KALRN: variants seen among roughly 807,000 people sequenced by gnomAD.
KALRN encodes the protein kalirin.
Under a neutral mutation model 353.7 loss-of-function variants are expected in KALRN, and 70 were observed. The ratio of observed to expected loss-of-function variants is 0.20; its 90% CI spans 0.16 to 0.24. The LOEUF is 0.24. KALRN is among the 10% of genes least tolerant of loss of function. The pLI is 1.00. For synonymous variants in KALRN, 1,391 were observed against 1,434.8 expected (o/e 0.97, Z 0.69); for missense variants, 2,791 against 3,756.7 (o/e 0.74, Z 6.72).
intron 47 of KALRN, among the ~76,000 whole-genome samples, chr3:124,667,515 C>T (rs1420832056): frequency 3.3e-5 from 5 of 152,172 alleles, no homozygotes; most frequent in African/African-American, 1.2e-4. Context: ...GGAACCAGGA[C>T]CGGCTAGAAA....
In KALRN at chr3:124,717,103, A is replaced by G. The variant is rs573464207; in HGVS notation, c.8277-144A>G. On this transcript the variant is annotated intron_variant, in intron 58 of 59. Coordinates refer to ENST00000682506, the MANE Select transcript of KALRN (RefSeq NM_001388419.1). ...ATTACAATAACTTTAGGCTCTAACT[A>G]AATATGCATGTGTTGCACATTTGGT... 36 of 614,198 alleles carry G rather than the reference A, an allele frequency of 5.9e-5. No individual in the cohort carries two copies. The East Asian group carries it at 1.0e-3, about 17-fold the overall frequency. The allele number at this position is 614,198 out of a possible 1,614,324, so 38.0% of individuals were successfully genotyped here.
At chr3:124,525,119 A>C (rs1386073971) in intron 33 of KALRN, among the ~76,000 whole-genome samples, 4 of 152,230 alleles carry the variant, frequency 2.6e-5, no homozygotes, top group African/African-American at 9.6e-5. Flanking sequence ...CACAGTGCTT[A>C]TATCCAGGCT....
intron 57 of KALRN, among the ~76,000 whole-genome samples, chr3:124,708,475 A>G (rs77614255): frequency 0.16 from 24,777 of 152,244 alleles, 2,399 homozygotes; most frequent in Middle Eastern, 0.22. Flanking sequence ...AAAAAATACA[A>G]TATCTAAAAT....
At chr3:124,585,056 T>C in intron 34 of KALRN, 1 of 1,001,028 alleles carries the variant, frequency 1.0e-6, no homozygotes. Flanking sequence ...GTGAGAGAGT[T>C]TGCTGCGATC....
rs901357864 is a variant in KALRN at position 124,409,585 on chromosome 3, T to C, written c.2347-3885T>C. 3.9e-5 allele frequency among the ~76,000 whole-genome samples: 6 copies of C among 152,296 alleles called. No individual in the cohort carries two copies. In the Middle Eastern group the frequency reaches 0.01, roughly 259 times the overall value. ...GAAGGCTGGAGAGGGCAGAACTTGC[T>C]CTCAGCATCAGCAAGTAAACCATCT... is the stretch of plus-strand genomic sequence containing the variant. On this transcript the variant is annotated intron_variant, in intron 13 of 59. Transcript: ENST00000682506.
At chr3:124,302,857 G>A (rs1412871800) in intron 6 of KALRN, among the ~76,000 whole-genome samples, 2 of 152,102 alleles carry the variant, frequency 1.3e-5, no homozygotes, top group East Asian at 1.9e-4. Context: ...GTATCTCTCT[G>A]TATGTCTTAA....
At chr3:124,622,919 A>G (rs897636658) in intron 34 of KALRN, among the ~76,000 whole-genome samples, 9 of 139,758 alleles carry the variant, frequency 6.4e-5, no homozygotes, top group Non-Finnish European at 1.4e-4. Flanking sequence ...TAAACCAGAA[A>G]GGGGAGTAGC....
chr3:124,586,514 C>T (rs1406787529), intron 34 of KALRN, among the ~76,000 whole-genome samples: 1 of 152,190 alleles, frequency 6.6e-6, no homozygotes, highest in African/African-American at 2.4e-5. Flanking sequence ...CTTTCACTCT[C>T]GCTGTGATGC....
intron 20 of KALRN, among the ~76,000 whole-genome samples, chr3:124,446,555 TG>T (rs1015210084): frequency 1.3e-4 from 20 of 152,280 alleles, no homozygotes; most frequent in Admixed American, 2.0e-4. Context: ...CTCAGTCTAC[TG>T]GGGGAGACCC....
intron 3 of KALRN, among the ~76,000 whole-genome samples, chr3:124,240,369 C>G (rs2080283611): frequency 6.6e-6 from 1 of 152,160 alleles, no homozygotes; most frequent in Admixed American, 6.5e-5. Flanking sequence ...AAGACTTTAA[C>G]CAAGACACAG....
intron 1 of KALRN, among the ~76,000 whole-genome samples, chr3:124,062,345 AAG>A (rs1270962916): frequency 6.6e-6 from 1 of 152,212 alleles, no homozygotes; most frequent in African/African-American, 2.4e-5. Flanking sequence ...AGAGCTTTGT[AAG>A]AGTTTATTGC....
At chr3:124,434,948 C>T (rs1041622624) in intron 17 of KALRN, among the ~76,000 whole-genome samples, 2 of 152,212 alleles carry the variant, frequency 1.3e-5, no homozygotes, top group African/African-American at 2.4e-5. Flanking sequence ...AACTAGGCTT[C>T]GAGCTGCAGA....
At position 124,231,531 on chromosome 3, in the gene KALRN, C is replaced by G. The variant is rs1488500166; in HGVS notation, c.149-3298C>G. ...TCTTTCGTACCCTGGACCTGCATCT[C>G]TCAAAGTGTTTTCCAAGATCAGTTC... On this transcript the variant is annotated intron_variant, in intron 2 of 59. Transcript: ENST00000682506. 2.0e-5 allele frequency among the ~76,000 whole-genome samples: 3 copies of G among 152,178 alleles called. No homozygotes were observed. In the East Asian group the frequency reaches 5.8e-4, roughly 29 times the overall value.
chr3:124,176,628 C>G (rs1219526631), intron 1 of KALRN, among the ~76,000 whole-genome samples: 1 of 152,166 alleles, frequency 6.6e-6, no homozygotes, highest in East Asian at 1.9e-4. Flanking sequence ...GGCTCCAACT[C>G]AAGCTTAACC....
chr3:124,661,826 G>A (rs2084913857), intron 44 of KALRN, 25 bp from the exon 45 acceptor site: 1 of 1,598,612 alleles, frequency 6.3e-7, no homozygotes, highest in African/African-American at 1.3e-5. Context: ...TCCCCCTCCT[G>A]AGTAACAGTT....
At chr3:124,546,271 T>G (rs2109419786) in intron 33 of KALRN, among the ~76,000 whole-genome samples, 1 of 127,934 alleles carries the variant, frequency 7.8e-6, no homozygotes, top group Admixed American at 9.1e-5. Context: ...TCTGGCAACA[T>G]AGTGAGACCC....
In KALRN at chr3:124,441,452, T is replaced by C. The variant is rs550713249; in HGVS notation, c.3199-493T>C. ...AAGGGTGAGCTCCATAAATTGGAATTGGAGTCTCCATGAACCAGTGGTGAC... is the reference window on the plus strand; with the variant it reads ...AAGGGTGAGCTCCATAAATTGGAATCGGAGTCTCCATGAACCAGTGGTGAC... On this transcript the variant is annotated intron_variant, in intron 18 of 59. Transcript: ENST00000682506. Among the ~76,000 whole-genome samples, 6 of 152,316 alleles carry C rather than the reference T, an allele frequency of 3.9e-5. No individual in the cohort carries two copies. The South Asian group carries it at 1.0e-3, about 26-fold the overall frequency.
chr3:124,277,070 A>G (rs777188066), intron 5 of KALRN, among the ~76,000 whole-genome samples: 60 of 152,298 alleles, frequency 3.9e-4, no homozygotes, highest in Middle Eastern at 3.4e-3. Context: ...GGCGGTGGCT[A>G]AAGGGGCTGG....
chr3:124,199,975 AC>A (rs2075809714), intron 1 of KALRN, among the ~76,000 whole-genome samples: 1 of 152,180 alleles, frequency 6.6e-6, no homozygotes, highest in Admixed American at 6.5e-5. Context: ...AGGTTTTTCA[AC>A]CTTCTCTGGT....
Sources: gnomAD v4.1 joint callset for allele counts (sites outside exome capture counted in the v4.1 genomes callset) on GRCh38, gnomAD v4.1.1 for gene constraint, MANE v1.5 for transcripts, NCBI Gene and HGNC (gene_info 2026-07-23, HGNC 2026-07-21) for gene names.